The following PLCXD3 variants were observed in gnomAD, a reference collection of about 807,000 sequenced individuals.
PLCXD3 encodes the protein phosphatidylinositol specific phospholipase C X domain containing 3.
Under a neutral mutation model 25.5 loss-of-function variants are expected in PLCXD3, and 19 were observed. The ratio of observed to expected loss-of-function variants is 0.75; its 90% CI spans 0.52 to 1.09. The LOEUF (loss-of-function observed/expected upper bound fraction) is 1.09. Ranked by LOEUF, PLCXD3 falls within the 50% of genes least tolerant of loss-of-function variation. The pLI is 0.00. For synonymous variants in PLCXD3, 174 were observed against 137.6 expected, an observed-to-expected ratio of 1.26 and a Z score of -1.85; for missense variants, 411 against 388.1, an observed-to-expected ratio of 1.06 and a Z score of -0.50.
At chr5:41,342,838 G>A (rs541546151) in intron 2 of PLCXD3, among the ~76,000 whole-genome samples, 1 of 152,208 alleles carries the variant, frequency 6.6e-6, no homozygotes, top group Non-Finnish European at 1.5e-5. Context: ...AGCTGAAAAT[G>A]CTTGCTTCAC....
chr5:41,325,610 T>C (rs75657482), intron 2 of PLCXD3, among the ~76,000 whole-genome samples: 2,439 of 152,196 alleles, frequency 0.016, 83 homozygotes, highest in African/African-American at 0.056. Context: ...CTAATTTTTG[T>C]TTTTTTGCCA....
At chr5:41,503,904 G>A (rs1055938126) in intron 1 of PLCXD3, among the ~76,000 whole-genome samples, 1 of 152,068 alleles carries the variant, frequency 6.6e-6, no homozygotes, top group Admixed American at 6.6e-5. Flanking sequence ...CATCCTCACT[G>A]GTGGTAATAG....
intron 2 of PLCXD3, among the ~76,000 whole-genome samples, chr5:41,359,216 T>C (rs1744705958): frequency 6.6e-6 from 1 of 152,196 alleles, no homozygotes; most frequent in Non-Finnish European, 1.5e-5. Flanking sequence ...GGTATTAGGG[T>C]GTTACTGGTT....
intron 1 of PLCXD3, among the ~76,000 whole-genome samples, chr5:41,403,401 G>GTTTTTGTTTTTGTTTTT (rs1554047952): frequency 2.2e-4 from 4 of 18,394 alleles, no homozygotes; most frequent in African/African-American, 7.3e-4. Context: ...CTTATTTGTT[G>GTTTTTGTTTTTGTTTTT]TTTTTTTTTT....
At chr5:41,408,190 A>G in intron 1 of PLCXD3, among the ~76,000 whole-genome samples, 1 of 152,202 alleles carries the variant, frequency 6.6e-6, no homozygotes, top group East Asian at 1.9e-4. Context: ...TTATTTTTAA[A>G]GATTATCAGC....
Position 41,382,017 on chromosome 5 carries a change from C to T in PLCXD3, c.621G>A (p.Trp207Ter). 2 of 1,613,490 alleles carry T rather than the reference C, an allele frequency of 1.2e-6. No homozygotes were observed. Among genetic ancestry groups the T allele is most frequent in the Non-Finnish European group, 1.7e-6 (2 of 1,179,734 alleles). Residue 207 changes from tryptophan (W) to a stop codon, truncating the protein, a stop_gained, in exon 2 of 3, where the codon TGG becomes TGA. Transcript: ENST00000377801. LOFTEE classifies it high-confidence loss of function. Reference sequence around the variant, plus strand: ...AGGGTGCTGGCATCATCTGCCCAGGCCAGAGAAAGGGCACTTCCAGAGCCA... The same window carrying T: ...AGGGTGCTGGCATCATCTGCCCAGGTCAGAGAAAGGGCACTTCCAGAGCCA... ...SPVALEVPFL[W>*]PGQMMPAPWA...
At chr5:41,359,606 TTC>T (rs377659334) in intron 2 of PLCXD3, among the ~76,000 whole-genome samples, 1 of 152,226 alleles carries the variant, frequency 6.6e-6, no homozygotes, top group African/African-American at 2.4e-5. Context: ...TATTTGGATT[TTC>T]TCTCTTCTTT....
intron 2 of PLCXD3, among the ~76,000 whole-genome samples, chr5:41,364,250 A>G (rs1256945138): frequency 6.6e-6 from 1 of 152,174 alleles, no homozygotes; most frequent in Non-Finnish European, 1.5e-5. Flanking sequence ...TAAAATGTCT[A>G]TATTGCCGAG....
chr5:41,402,529 T>C (rs181814266), intron 1 of PLCXD3, among the ~76,000 whole-genome samples: 81 of 151,880 alleles, frequency 5.3e-4, no homozygotes, highest in African/African-American at 1.9e-3. Flanking sequence ...TAAAATAATT[T>C]TATTCTACTG....
intron 2 of PLCXD3, among the ~76,000 whole-genome samples, chr5:41,336,769 C>T (rs1324476623): frequency 6.6e-6 from 1 of 152,178 alleles, no homozygotes; most frequent in Non-Finnish European, 1.5e-5. Context: ...GAAGATCCCC[C>T]ACAGCTCCTG....
At chr5:41,396,090 A>G (rs910079048) in intron 1 of PLCXD3, among the ~76,000 whole-genome samples, 13 of 152,134 alleles carry the variant, frequency 8.5e-5, no homozygotes, top group African/African-American at 3.1e-4. Flanking sequence ...TCAGCAAAAT[A>G]CTAGGAGACT....
chr5:41,493,143 T>TCTAACAGA (rs1477928603), intron 1 of PLCXD3, among the ~76,000 whole-genome samples: 1 of 152,148 alleles, frequency 6.6e-6, no homozygotes, highest in African/African-American at 2.4e-5. Context: ...TAGTTTTCCT[T>TCTAACAGA]CTAACAGACA....
chr5:41,345,125 T>G (rs768588212), intron 2 of PLCXD3, among the ~76,000 whole-genome samples: 1 of 152,230 alleles, frequency 6.6e-6, no homozygotes, highest in Non-Finnish European at 1.5e-5. Flanking sequence ...GTCCAAATAG[T>G]AATTGATGAA....
chr5:41,387,277 C>T (rs773600880), intron 1 of PLCXD3, among the ~76,000 whole-genome samples: 23 of 152,084 alleles, frequency 1.5e-4, no homozygotes, highest in Non-Finnish European at 2.5e-4. Flanking sequence ...CAAAAGAGAT[C>T]GCAGTCTTGG....
chr5:41,400,042 A>C (rs1321062765), intron 1 of PLCXD3, among the ~76,000 whole-genome samples: 1 of 152,160 alleles, frequency 6.6e-6, no homozygotes, highest in Non-Finnish European at 1.5e-5. Flanking sequence ...CTGAATAGAC[A>C]CTTCTCAAAA....
At chr5:41,376,091 T>A in intron 2 of PLCXD3, among the ~76,000 whole-genome samples, 1 of 152,116 alleles carries the variant, frequency 6.6e-6, no homozygotes, top group East Asian at 1.9e-4. Context: ...TGGGTAATAT[T>A]AGTGTATACT....
At chr5:41,329,222 T>C (rs1743718399) in intron 2 of PLCXD3, among the ~76,000 whole-genome samples, 1 of 152,242 alleles carries the variant, frequency 6.6e-6, no homozygotes, top group Non-Finnish European at 1.5e-5. Context: ...TGGTCCTGAC[T>C]AGAGTAACGT....
intron 2 of PLCXD3, among the ~76,000 whole-genome samples, chr5:41,362,610 T>C (rs988329523): frequency 6.6e-6 from 1 of 152,188 alleles, no homozygotes; most frequent in Admixed American, 6.5e-5. Flanking sequence ...TTAAACAAAC[T>C]TCACCTTAGG....
chr5:41,334,606 T>C (rs1324214433), intron 2 of PLCXD3, among the ~76,000 whole-genome samples: 4 of 152,184 alleles, frequency 2.6e-5, no homozygotes, highest in Admixed American at 2.0e-4. Flanking sequence ...TTAGCTTTTG[T>C]TTTGTTTAAC....
Sources: gnomAD v4.1 joint callset for allele counts (sites outside exome capture counted in the v4.1 genomes callset) on GRCh38, gnomAD v4.1.1 for gene constraint, MANE v1.5 for transcripts, NCBI Gene and HGNC (gene_info 2026-07-23, HGNC 2026-07-21) for gene names.